The following FNBP1L variants were observed in gnomAD, a reference collection of about 807,000 sequenced individuals.
FNBP1L encodes formin-binding protein 1-like.
In FNBP1L, 36 loss-of-function variants were observed where a neutral mutation model predicts 91.2. That is an observed-to-expected ratio of 0.39 (90% CI 0.30 to 0.52). FNBP1L has a LOEUF of 0.52. Among genes scored for constraint, FNBP1L ranks in the 20% least tolerant of loss-of-function variants. FNBP1L has a pLI of 0.66. For missense variants in FNBP1L, 571 were observed against 732.1 expected (o/e 0.78, Z 2.54); for synonymous variants, 242 against 237.0 (o/e 1.02, Z -0.19).
chr1:93,460,398 T>G (rs1181429816), intron 1 of FNBP1L, among the ~76,000 whole-genome samples: 2 of 152,208 alleles, frequency 1.3e-5, no homozygotes, highest in Non-Finnish European at 2.9e-5. Flanking sequence ...ACAAATAAAT[T>G]TCTGTTCTTT....
chr1:93,514,576 A>G (rs1338017646), intron 2 of FNBP1L, among the ~76,000 whole-genome samples: 1 of 152,218 alleles, frequency 6.6e-6, no homozygotes. Flanking sequence ...AGAGATGTAG[A>G]TCAATGGAAC....
intron 2 of FNBP1L, among the ~76,000 whole-genome samples, chr1:93,511,060 A>G (rs1339779483): frequency 3.9e-5 from 6 of 152,332 alleles, no homozygotes; most frequent in South Asian, 2.1e-4. Flanking sequence ...AACTTCCCCA[A>G]TCTAGCAAGG....
intron 1 of FNBP1L, among the ~76,000 whole-genome samples, chr1:93,450,800 C>G (rs966412983): frequency 6.6e-6 from 1 of 152,088 alleles, no homozygotes; most frequent in African/African-American, 2.4e-5. Context: ...GCACTTAAAC[C>G]TGAGTCTGTT....
At chr1:93,499,059 A>G (rs1316838892) in intron 1 of FNBP1L, among the ~76,000 whole-genome samples, 1 of 152,182 alleles carries the variant, frequency 6.6e-6, no homozygotes, top group East Asian at 1.9e-4. Context: ...CTGGCCCTCA[A>G]TATAGTATAG....
chr1:93,522,975 C>T (rs1390952431), intron 3 of FNBP1L, among the ~76,000 whole-genome samples: 1 of 152,102 alleles, frequency 6.6e-6, no homozygotes, highest in African/African-American at 2.4e-5. Flanking sequence ...TTGGCAAGCA[C>T]ATCATCTCTG....
chr1:93,547,718 G>A (rs773598881), intron 14 of FNBP1L, among the ~76,000 whole-genome samples: 22 of 152,172 alleles, frequency 1.4e-4, no homozygotes, highest in Non-Finnish European at 3.1e-4. Context: ...GGCTCCTCGG[G>A]CATGGGAAGG....
intron 2 of FNBP1L, among the ~76,000 whole-genome samples, chr1:93,511,105 T>C (rs553773500): frequency 2.0e-5 from 3 of 152,062 alleles, no homozygotes; most frequent in African/African-American, 7.3e-5. Context: ...ATAAAGAGAA[T>C]GCCACAAAGA....
At chr1:93,449,101 CT>C (rs1420211664) in intron 1 of FNBP1L, among the ~76,000 whole-genome samples, 2 of 152,238 alleles carry the variant, frequency 1.3e-5, no homozygotes, top group African/African-American at 4.8e-5. Flanking sequence ...TTTATTCTCA[CT>C]TGTTCTTTCT....
intron 1 of FNBP1L, among the ~76,000 whole-genome samples, chr1:93,459,978 T>TGTGTGTGTGTGTGTGTGTG (rs1557774003): frequency 3.2e-5 from 4 of 125,646 alleles, no homozygotes; most frequent in South Asian, 3.5e-4. Flanking sequence ...TGTGTGTGTG[T>TGTGTGTGTGTGTGTGTGTG]TTTTGGGATA....
chr1:93,448,781 G>A (rs1323601539), intron 1 of FNBP1L, among the ~76,000 whole-genome samples: 2 of 152,164 alleles, frequency 1.3e-5, no homozygotes, highest in Non-Finnish European at 2.9e-5. Flanking sequence ...AGGTCCGCGG[G>A]GCTAGGGCGT....
intron 11 of FNBP1L, among the ~76,000 whole-genome samples, chr1:93,543,491 A>T (rs565781424): frequency 1.3e-5 from 2 of 152,302 alleles, no homozygotes; most frequent in Non-Finnish European, 2.9e-5. Flanking sequence ...ATTTCTGCTC[A>T]GTGGATAGTT....
At chr1:93,528,899 C>A (rs1232339501) in intron 5 of FNBP1L, among the ~76,000 whole-genome samples, 5 of 151,878 alleles carry the variant, frequency 3.3e-5, no homozygotes, top group Admixed American at 1.3e-4. Flanking sequence ...TCCAGAATAT[C>A]AAAAAATTAT....
At chr1:93,486,672 A>G (rs567479286) in intron 1 of FNBP1L, among the ~76,000 whole-genome samples, 3 of 152,286 alleles carry the variant, frequency 2.0e-5, no homozygotes, top group African/African-American at 7.2e-5. Flanking sequence ...CTGAAAATAA[A>G]CAGAAGCAAT....
At chr1:93,474,824 ATCC>A (rs1669436104) in intron 1 of FNBP1L, among the ~76,000 whole-genome samples, 1 of 152,190 alleles carries the variant, frequency 6.6e-6, no homozygotes, top group Non-Finnish European at 1.5e-5. Flanking sequence ...AAATAACTAC[ATCC>A]TAACTTCTTC....
At chr1:93,513,698 G>A (rs1273297326) in intron 2 of FNBP1L, among the ~76,000 whole-genome samples, 3 of 152,188 alleles carry the variant, frequency 2.0e-5, no homozygotes, top group South Asian at 2.1e-4. Flanking sequence ...ATGCAGAAAA[G>A]GCCTTTGACA....
chr1:93,494,241 T>C (rs1670191708), intron 1 of FNBP1L, among the ~76,000 whole-genome samples: 1 of 152,166 alleles, frequency 6.6e-6, no homozygotes, highest in South Asian at 2.1e-4. Flanking sequence ...AGGACACAGA[T>C]GAACAGCTAG....
chr1:93,514,342 C>G (rs1570828431), intron 2 of FNBP1L, among the ~76,000 whole-genome samples: 1 of 151,506 alleles, frequency 6.6e-6, no homozygotes, highest in Non-Finnish European at 1.5e-5. Context: ...GCCATACTGC[C>G]CAAGGTAATT....
At chr1:93,520,109 A>G (rs1671272059) in intron 2 of FNBP1L, among the ~76,000 whole-genome samples, 2 of 152,160 alleles carry the variant, frequency 1.3e-5, no homozygotes, top group African/African-American at 4.8e-5. Context: ...AGCACTTACC[A>G]TGCAGTATAT....
At chr1:93,533,187 TG>T in intron 8 of FNBP1L, 119 bp downstream of exon 8, 1 of 731,892 alleles carries the variant, frequency 1.4e-6, no homozygotes, top group Non-Finnish European at 2.0e-6. Context: ...AATTATATTC[TG>T]TAGAAGAATG....
Sources: gnomAD v4.1 joint callset for allele counts (sites outside exome capture counted in the v4.1 genomes callset) on GRCh38, gnomAD v4.1.1 for gene constraint, MANE v1.5 for transcripts, NCBI Gene and HGNC (gene_info 2026-07-23, HGNC 2026-07-21) for gene names.